NDRG3: variants seen among roughly 807,000 people sequenced by gnomAD.
NDRG3 encodes the protein protein NDRG3.
Under a neutral mutation model 57.2 loss-of-function variants are expected in NDRG3, and 23 were observed. That is an observed-to-expected ratio of 0.40 (90% confidence interval 0.29 to 0.57). The LOEUF is 0.57. Among genes scored for constraint, NDRG3 ranks in the 20% least tolerant of loss-of-function variants. NDRG3 has a pLI of 0.42. For missense variants in NDRG3, 384 were observed against 457.3 expected, an observed-to-expected ratio of 0.84 and a Z score of 1.46; for synonymous variants, 132 against 162.6, an observed-to-expected ratio of 0.81 and a Z score of 1.43.
chr20:36,714,354 G>A (rs369372204), intron 2 of NDRG3, among the ~76,000 whole-genome samples: 3 of 137,376 alleles, frequency 2.2e-5, no homozygotes, highest in South Asian at 2.3e-4. Context: ...GCAGTGAGCC[G>A]AGACCACATC....
chr20:36,672,564 C>A (rs763530204), intron 8 of NDRG3, among the ~76,000 whole-genome samples: 9 of 152,196 alleles, frequency 5.9e-5, no homozygotes, highest in Admixed American at 3.9e-4. Context: ...CGTGGTGGCT[C>A]ATGCCTGTAA....
At position 36,714,402 on chromosome 20, in the gene NDRG3, C is replaced by A. The variant is rs866286570; in HGVS notation, c.57+7277G>T. Among the ~76,000 whole-genome samples, 795 of 123,138 alleles carry A rather than the reference C, an allele frequency of 6.5e-3. 10 individuals carry two copies. Among genetic ancestry groups the A allele is most frequent in the African/African-American group, 0.024 (748 of 30,792 alleles). 80.8% of individuals were successfully genotyped at this position (123,138 alleles called of 152,430 possible). On this transcript the variant is annotated intron_variant, in intron 2 of 15. Transcript: ENST00000349004. Reference sequence around the variant, plus strand: ...CCTGGGCAACAGAGCAAGACTCCAACTCAAAAAAAAAAAAAAAAATCTTCA... The same window carrying A: ...CCTGGGCAACAGAGCAAGACTCCAAATCAAAAAAAAAAAAAAAAATCTTCA...
intron 1 of NDRG3, among the ~76,000 whole-genome samples, chr20:36,744,999 G>T (rs1986119256): frequency 6.6e-6 from 1 of 151,110 alleles, no homozygotes. Flanking sequence ...GGGTGATCTG[G>T]ATGCCAGCAG....
intron 1 of NDRG3, among the ~76,000 whole-genome samples, chr20:36,730,770 G>T (rs1425610276): frequency 6.6e-6 from 1 of 151,692 alleles, no homozygotes; most frequent in African/African-American, 2.4e-5. Flanking sequence ...CAATATGGTA[G>T]AACCCCGTCA....
intron 1 of NDRG3, among the ~76,000 whole-genome samples, chr20:36,733,888 C>T (rs943622278): frequency 6.6e-6 from 1 of 152,170 alleles, no homozygotes; most frequent in African/African-American, 2.4e-5. Context: ...AACAGATTCA[C>T]ATCCTCTCTC....
chr20:36,656,663 A>C, intron 13 of NDRG3, 131 bp from the exon 14 acceptor site: 1 of 865,202 alleles, frequency 1.2e-6, no homozygotes, highest in Non-Finnish European at 1.9e-6. Flanking sequence ...TTTGCATCTC[A>C]ATGCACCTAC....
chr20:36,675,469 C>T (rs946259243), intron 8 of NDRG3, among the ~76,000 whole-genome samples: 1 of 152,036 alleles, frequency 6.6e-6, no homozygotes, highest in Non-Finnish European at 1.5e-5. Flanking sequence ...TCACTGCAAC[C>T]TCCACCTCCC....
At chr20:36,656,664 A>G (rs911479296) in intron 13 of NDRG3, 132 bp from the exon 14 acceptor site, 18 of 858,680 alleles carry the variant, frequency 2.1e-5, no homozygotes, top group Admixed American at 4.6e-5. Context: ...TTGCATCTCA[A>G]TGCACCTACG....
Position 36,716,735 on chromosome 20 carries a change from T to C in NDRG3, c.57+4944A>G, listed in dbSNP as rs115954467. Among the ~76,000 whole-genome samples, 929 of 152,202 alleles carry C rather than the reference T, an allele frequency of 6.1e-3. 12 individuals are homozygous for C. The highest frequency in any genetic ancestry group is 0.021 in the African/African-American group (869 of 41,532). ...AGGGTTCAGTAGTATCTGAACCTAG[T>C]AGGTAGAGGAAGGCAGGGAAAATGA... On this transcript the variant is annotated intron_variant, in intron 2 of 15. Transcript: ENST00000349004.
Position 36,651,941 on chromosome 20 carries a change from G to T in NDRG3, c.*1579C>A, listed in dbSNP as rs1371955169. On this transcript the variant is annotated 3_prime_UTR_variant, in exon 16 of 16. Transcript: ENST00000349004. ...ACATCTCAATGCTCCCAAGAGCTGG[G>T]CTCTTGCTATGTGGTAGTTGGTCTC... 6.6e-6 allele frequency: 1 copy of T among 152,160 alleles called. No homozygotes were observed. Among genetic ancestry groups the T allele is most frequent in the Non-Finnish European group, 1.5e-5 (1 of 68,042 alleles). 9.4% of individuals were successfully genotyped at this position (152,160 alleles called of 1,614,324 possible).
At chr20:36,679,333 A>G (rs1178446063) in intron 8 of NDRG3, among the ~76,000 whole-genome samples, 2 of 152,148 alleles carry the variant, frequency 1.3e-5, no homozygotes, top group Non-Finnish European at 2.9e-5. Flanking sequence ...TGACATAGCA[A>G]TTTCACTCCT....
intron 8 of NDRG3, among the ~76,000 whole-genome samples, chr20:36,674,403 A>T (rs1839574273): frequency 6.6e-6 from 1 of 151,424 alleles, no homozygotes. Flanking sequence ...GGGTTTCTCC[A>T]TGTTGGTCAG....
intron 3 of NDRG3, among the ~76,000 whole-genome samples, chr20:36,696,517 C>T (rs900782133): frequency 3.3e-5 from 5 of 151,080 alleles, no homozygotes; most frequent in African/African-American, 4.9e-5. Flanking sequence ...TTTTTTGAGA[C>T]GGAGTCTTGT....
At chr20:36,709,851 T>C (rs1171576757) in intron 2 of NDRG3, among the ~76,000 whole-genome samples, 1 of 151,554 alleles carries the variant, frequency 6.6e-6, no homozygotes, top group East Asian at 1.9e-4. Context: ...ATAAAACAAA[T>C]AAGCCAATAT....
At chr20:36,682,817 C>T (rs535780417) in intron 6 of NDRG3, among the ~76,000 whole-genome samples, 38 of 152,174 alleles carry the variant, frequency 2.5e-4, no homozygotes, top group East Asian at 5.8e-4. Flanking sequence ...TTTGGGAGGC[C>T]GAGGCAGGCG....
chr20:36,670,571 T>C (rs1046133416), intron 9 of NDRG3, among the ~76,000 whole-genome samples: 3 of 152,228 alleles, frequency 2.0e-5, no homozygotes, highest in African/African-American at 7.2e-5. Flanking sequence ...GGTTTCCCTA[T>C]CTTAAAATCA....
chr20:36,698,287 A>G (rs1365177102), intron 3 of NDRG3, among the ~76,000 whole-genome samples: 1 of 151,348 alleles, frequency 6.6e-6, no homozygotes. Flanking sequence ...TCATATTGCT[A>G]CAAATCTCCG....
At chr20:36,684,533 G>T in intron 5 of NDRG3, 58 bp from the exon 6 acceptor site, 2 of 1,439,624 alleles carry the variant, frequency 1.4e-6, no homozygotes, top group Non-Finnish European at 2.0e-6. Flanking sequence ...CCAGTTGCTA[G>T]AACAGCTGGA....
intron 12 of NDRG3, 111 bp downstream of exon 12, chr20:36,664,935 T>C: frequency 9.2e-7 from 1 of 1,082,596 alleles, no homozygotes; most frequent in African/African-American, 1.5e-5. Flanking sequence ...GCGATCCTCC[T>C]GCCTCAGCCT....
Sources: allele counts gnomAD v4.1 joint callset (sites outside exome capture counted in the v4.1 genomes callset), GRCh38; gene constraint gnomAD v4.1.1; transcripts MANE v1.5; gene names NCBI Gene and HGNC (gene_info 2026-07-23, HGNC 2026-07-21).